Variants in BMAL1 observed in about 807,000 individuals in gnomAD.
The protein encoded by BMAL1 is basic helix-loop-helix ARNT-like protein 1.
At chr11:13,298,489 T>C in the BMAL1 span, among the ~76,000 whole-genome samples, 4 of 152,084 alleles carry the variant, frequency 2.6e-5, no homozygotes, top group South Asian at 8.3e-4. Context: ...CCATCTAATA[T>C]ATTATACGTT....
the BMAL1 span, among the ~76,000 whole-genome samples, chr11:13,320,995 C>T: frequency 6.6e-6 from 1 of 152,160 alleles, no homozygotes; most frequent in East Asian, 1.9e-4. Flanking sequence ...GATAAAGTTA[C>T]ATTGTTTTTT....
the BMAL1 span, among the ~76,000 whole-genome samples, chr11:13,284,114 ATATATGTGTGTGTG>A: frequency 5.0e-5 from 5 of 100,572 alleles, no homozygotes; most frequent in African/African-American, 2.7e-4. Flanking sequence ...GTGTGTGTAT[ATATATGTGTGTGTG>A]TATATATATA....
chr11:13,337,588 C>T, the BMAL1 span, among the ~76,000 whole-genome samples: 9 of 152,184 alleles, frequency 5.9e-5, no homozygotes, highest in African/African-American at 1.7e-4. Flanking sequence ...GCCCATTTAC[C>T]ACATCTTCAC....
the BMAL1 span, chr11:13,369,547 C>G: frequency 6.4e-7 from 1 of 1,574,360 alleles, no homozygotes; most frequent in African/African-American, 1.4e-5. Flanking sequence ...AGGCTTTGCT[C>G]AAGGTCACAC....
At chr11:13,307,047 G>A in the BMAL1 span, among the ~76,000 whole-genome samples, 2 of 152,188 alleles carry the variant, frequency 1.3e-5, 1 homozygote. Flanking sequence ...CTTTGGACCC[G>A]TCACTGTTGC....
At chr11:13,323,817 A>G in the BMAL1 span, among the ~76,000 whole-genome samples, 2 of 152,128 alleles carry the variant, frequency 1.3e-5, no homozygotes, top group Non-Finnish European at 2.9e-5. Context: ...GGGTATCACC[A>G]TGTTGGCCAG....
the BMAL1 span, chr11:13,358,348 A>C: frequency 7.4e-7 from 1 of 1,352,736 alleles, no homozygotes; most frequent in Non-Finnish European, 9.7e-7. Context: ...GAACATTGAA[A>C]ACAGTTACAA....
the BMAL1 span, among the ~76,000 whole-genome samples, chr11:13,368,434 G>A: frequency 1.3e-5 from 2 of 152,210 alleles, no homozygotes; most frequent in Admixed American, 6.5e-5. Flanking sequence ...AAACGTGCAC[G>A]GAGGGGAAGG....
At chr11:13,327,979 G>A in the BMAL1 span, among the ~76,000 whole-genome samples, 59 of 151,916 alleles carry the variant, frequency 3.9e-4, no homozygotes, top group East Asian at 0.011. Context: ...CAGGGTGTTT[G>A]TATTTAAGGG....
At chr11:13,359,434 G>C in the BMAL1 span, among the ~76,000 whole-genome samples, 8 of 152,294 alleles carry the variant, frequency 5.3e-5, no homozygotes, top group Admixed American at 4.6e-4. Flanking sequence ...TATAAATGTT[G>C]TATCCTGTGC....
the BMAL1 span, among the ~76,000 whole-genome samples, chr11:13,298,712 A>G: frequency 1.8e-4 from 27 of 152,160 alleles, no homozygotes; most frequent in Non-Finnish European, 3.2e-4. Flanking sequence ...CACTGGAAGC[A>G]CCTAATACAT....
the BMAL1 span, among the ~76,000 whole-genome samples, chr11:13,282,826 G>A: frequency 1.3e-5 from 2 of 152,230 alleles, no homozygotes; most frequent in Non-Finnish European, 2.9e-5. Context: ...CAGGCACAGG[G>A]AGCCTTTAGG....
the BMAL1 span, among the ~76,000 whole-genome samples, chr11:13,311,334 G>A: frequency 1.3e-5 from 2 of 152,188 alleles, no homozygotes; most frequent in Non-Finnish European, 2.9e-5. Flanking sequence ...TGTGGGACGG[G>A]AAGACGATGG....
the BMAL1 span, among the ~76,000 whole-genome samples, chr11:13,363,127 C>CATATATAT: frequency 1.4e-3 from 153 of 109,850 alleles, 3 homozygotes; most frequent in Non-Finnish European, 1.6e-3. Flanking sequence ...GTCTTTATTT[C>CATATATAT]ATATATATAT....
chr11:13,288,436 T>TCTTTCTTTA, the BMAL1 span, among the ~76,000 whole-genome samples: 1 of 131,450 alleles, frequency 7.6e-6, no homozygotes, highest in African/African-American at 2.8e-5. Flanking sequence ...TTTTTTTTTT[T>TCTTTCTTTA]TTGTGATGGA....
the BMAL1 span, among the ~76,000 whole-genome samples, chr11:13,357,410 C>T: frequency 4.6e-5 from 7 of 152,332 alleles, no homozygotes; most frequent in East Asian, 7.7e-4. This position sits in a 1 kb window ranked among gnomAD's most constrained non-coding sequence, Gnocchi z 4.8. Flanking sequence ...GAGCGCCCTC[C>T]GCAGGAGACA....
the BMAL1 span, among the ~76,000 whole-genome samples, chr11:13,332,012 G>A: frequency 2.0e-5 from 3 of 152,174 alleles, no homozygotes; most frequent in Admixed American, 6.5e-5. Flanking sequence ...AGGAACAAGC[G>A]ACGGGGAGTG....
chr11:13,284,118 ATG>A, the BMAL1 span, among the ~76,000 whole-genome samples: 3,150 of 94,990 alleles, frequency 0.033, 389 homozygotes, highest in African/African-American at 0.13. Flanking sequence ...GTGTATATAT[ATG>A]TGTGTGTGTA....
the BMAL1 span, chr11:13,365,400 T>C: frequency 9.5e-7 from 1 of 1,054,896 alleles, no homozygotes; most frequent in East Asian, 2.5e-5. Context: ...GTTCCTGTGC[T>C]TTGGATGCTT....
Sources: allele counts gnomAD v4.1 joint callset (sites outside exome capture counted in the v4.1 genomes callset), GRCh38; gene constraint gnomAD v4.1.1; non-coding constraint Gnocchi (gnomAD v3.1); transcripts MANE v1.5; gene names NCBI Gene and HGNC (gene_info 2026-07-23, HGNC 2026-07-21).